Variants in PCDH9 observed in about 807,000 individuals in gnomAD.
The protein encoded by PCDH9 is protocadherin-9.
A neutral mutation model predicts 70.6 loss-of-function variants in PCDH9; 24 were observed. That is an observed-to-expected ratio of 0.34 (90% CI 0.25 to 0.48). The LOEUF (loss-of-function observed/expected upper bound fraction) is 0.48, where lower values mean the gene tolerates loss of function less well. Among genes scored for constraint, PCDH9 ranks in the 20% least tolerant of loss-of-function variants. The pLI, the probability that PCDH9 is intolerant of heterozygous loss-of-function variation, is 0.99. For missense variants in PCDH9, 1,281 were observed against 1,503.6 expected (o/e 0.85, Z 2.45); for synonymous variants, 562 against 558.5 (o/e 1.01, Z -0.09).
rs1386673695 is a variant in PCDH9 at position 66,713,623 on chromosome 13, GTGTATA to G, written c.3139-82218_3139-82213del. 1.0e-3 allele frequency among the ~76,000 whole-genome samples: 95 copies of G among 93,016 alleles called. 2 individuals carry two copies. Among genetic ancestry groups the G allele is most frequent in the East Asian group, 2.1e-3 (6 of 2,800 alleles). 61.0% of individuals were successfully genotyped at this position (93,016 alleles called of 152,430 possible). ...GTATATATATATAAAGTGTGTGTGT[GTGTATA>G]TATATATATATATATATATATATAA... is the stretch of plus-strand genomic sequence containing the variant. On this transcript the variant is annotated intron_variant, in intron 3 of 4. Coordinates refer to ENST00000377865, the MANE Select transcript of PCDH9 (RefSeq NM_203487.3).
chr13:67,157,936 G>A (rs1240151915), intron 2 of PCDH9, among the ~76,000 whole-genome samples: 1 of 152,046 alleles, frequency 6.6e-6, no homozygotes, highest in Admixed American at 6.6e-5. Context: ...GCAACCTGGG[G>A]GTTGACATTA....
At chr13:66,394,037 T>C (rs1957063743) in intron 4 of PCDH9, among the ~76,000 whole-genome samples, 1 of 152,208 alleles carries the variant, frequency 6.6e-6, no homozygotes, top group African/African-American at 2.4e-5. Flanking sequence ...GAAAATACTA[T>C]TTCATTTTTT....
chr13:66,390,318 G>T (rs192301416), intron 4 of PCDH9, among the ~76,000 whole-genome samples: 1 of 151,892 alleles, frequency 6.6e-6, no homozygotes, highest in Admixed American at 6.6e-5. Context: ...TCACTCTCAC[G>T]GCAAAAAGAA....
chr13:66,537,025 T>C (rs1412354191), intron 4 of PCDH9, among the ~76,000 whole-genome samples: 1 of 152,132 alleles, frequency 6.6e-6, no homozygotes, highest in East Asian at 1.9e-4. Context: ...GTACATGAAT[T>C]TGCTTATTTA....
At chr13:66,824,097 A>G (rs1594107170) in intron 3 of PCDH9, among the ~76,000 whole-genome samples, 1 of 151,798 alleles carries the variant, frequency 6.6e-6, no homozygotes, top group Non-Finnish European at 1.5e-5. Flanking sequence ...AATCATCTCA[A>G]TAAAGAGCAT....
In PCDH9 at chr13:66,465,291, A is replaced by G. The variant is rs117504488; in HGVS notation, c.3341-160263T>C. 1.5e-3 allele frequency among the ~76,000 whole-genome samples: 222 copies of G among 152,044 alleles called. 2 individuals carry two copies. Among genetic ancestry groups the G allele is most frequent in the East Asian group, 4.8e-3 (25 of 5,160 alleles). ...CTAGAGGACTAAAATATTTTTAGCA[A>G]GTCCAGAAATTTACATATAGAAATT... On this transcript the variant is annotated intron_variant, in intron 4 of 4. Coordinates refer to ENST00000377865, the MANE Select transcript of PCDH9 (RefSeq NM_203487.3).
chr13:67,054,117 G>C (rs950460665), intron 2 of PCDH9, among the ~76,000 whole-genome samples: 1 of 152,030 alleles, frequency 6.6e-6, no homozygotes, highest in Non-Finnish European at 1.5e-5. Context: ...AAGAAAGGAA[G>C]GGACAAACCA....
intron 3 of PCDH9, among the ~76,000 whole-genome samples, chr13:66,740,298 C>G (rs1322451812): frequency 1.8e-5 from 2 of 111,310 alleles, no homozygotes. Context: ...CCAACGAGAA[C>G]AAAGACACAA....
Position 67,069,818 on chromosome 13 carries a change from ACTAATTG to A in PCDH9, c.3036+155580_3036+155586del, listed in dbSNP as rs574946812. Among the ~76,000 whole-genome samples the A allele has an allele frequency of 5.1e-4, 78 of 152,286 alleles. 1 individual carries two copies. Among genetic ancestry groups the A allele is most frequent in the Admixed American group, 4.5e-3 (69 of 15,264 alleles). On this transcript the variant is annotated intron_variant, in intron 2 of 4. Coordinates refer to ENST00000377865, the MANE Select transcript of PCDH9 (RefSeq NM_203487.3). Reference sequence around the variant, plus strand: ...GATTAATTGATAAAGAATTTTTGGTACTAATTGCTCTGCTTCTCATAAAAATCTTGGG... The same window carrying A: ...GATTAATTGATAAAGAATTTTTGGTACTCTGCTTCTCATAAAAATCTTGGG...
intron 4 of PCDH9, among the ~76,000 whole-genome samples, chr13:66,573,796 A>G: frequency 6.6e-6 from 1 of 152,230 alleles, no homozygotes; most frequent in African/African-American, 2.4e-5. Context: ...CTGAAATGCA[A>G]TGCAATTATC....
chr13:66,661,894 A>G (rs1393606003), intron 3 of PCDH9, among the ~76,000 whole-genome samples: 1 of 152,196 alleles, frequency 6.6e-6, no homozygotes, highest in Non-Finnish European at 1.5e-5. Flanking sequence ...TATTTAACAT[A>G]TCCACGCTTT....
chr13:67,163,104 C>T (rs905525912), intron 2 of PCDH9, among the ~76,000 whole-genome samples: 2 of 152,136 alleles, frequency 1.3e-5, no homozygotes, highest in African/African-American at 4.8e-5. Context: ...CAGGCTTTCA[C>T]ATATTTGGTT....
At chr13:67,198,606 A>G (rs2089134388) in intron 2 of PCDH9, among the ~76,000 whole-genome samples, 1 of 151,944 alleles carries the variant, frequency 6.6e-6, no homozygotes, top group African/African-American at 2.4e-5. Context: ...CAAAACACAC[A>G]TACCATAACC....
At chr13:66,336,515 G>T (rs541696076) in intron 4 of PCDH9, among the ~76,000 whole-genome samples, 56 of 152,078 alleles carry the variant, frequency 3.7e-4, no homozygotes, top group African/African-American at 1.3e-3. Context: ...ACAAAGAAGA[G>T]ATATATGTTA....
chr13:67,038,763 G>C (rs1216696993), intron 2 of PCDH9, among the ~76,000 whole-genome samples: 1 of 152,114 alleles, frequency 6.6e-6, no homozygotes, highest in Non-Finnish European at 1.5e-5. Context: ...GTAATATCTG[G>C]AGTGATCACG....
chr13:66,600,837 C>T, intron 4 of PCDH9, among the ~76,000 whole-genome samples: 1 of 141,156 alleles, frequency 7.1e-6, no homozygotes. Context: ...TTGTTTTTTC[C>T]CCTAGATTTA....
chr13:66,749,164 G>C (rs769741574), intron 3 of PCDH9, among the ~76,000 whole-genome samples: 31 of 152,240 alleles, frequency 2.0e-4, no homozygotes, highest in Non-Finnish European at 4.3e-4. Context: ...GTTCTTTATA[G>C]CAGCATAAGA....
intron 3 of PCDH9, among the ~76,000 whole-genome samples, chr13:66,879,113 T>C (rs1241718283): frequency 1.3e-5 from 2 of 152,170 alleles, no homozygotes; most frequent in African/African-American, 4.8e-5. Context: ...AAACACTTAG[T>C]AGATTTGCTG....
At chr13:66,910,636 CT>C (rs368700875) in intron 2 of PCDH9, among the ~76,000 whole-genome samples, 55 of 151,720 alleles carry the variant, frequency 3.6e-4, no homozygotes, top group African/African-American at 1.1e-3. Context: ...AGATAAAACA[CT>C]TTTTTTTTCT....
Sources: allele counts gnomAD v4.1 joint callset (sites outside exome capture counted in the v4.1 genomes callset), GRCh38; gene constraint gnomAD v4.1.1; transcripts MANE v1.5; gene names NCBI Gene and HGNC (gene_info 2026-07-23, HGNC 2026-07-21).